FBXO34: variants seen among roughly 807,000 people sequenced by gnomAD.
The protein encoded by FBXO34 is F-box protein 34.
A neutral mutation model predicts 24.5 loss-of-function variants in FBXO34; 12 were observed. The observed-to-expected ratio is 0.49, with a 90% confidence interval of 0.31 to 0.79. The LOEUF (loss-of-function observed/expected upper bound fraction) is 0.79, where lower values mean the gene tolerates loss of function less well. Among genes scored for constraint, FBXO34 ranks in the 30% least tolerant of loss-of-function variants. The pLI, the probability that FBXO34 is intolerant of heterozygous loss-of-function variation, is 0.04. For missense variants in FBXO34, 823 were observed against 857.7 expected, an observed-to-expected ratio of 0.96 and a Z score of 0.51; for synonymous variants, 320 against 311.9, an observed-to-expected ratio of 1.03 and a Z score of -0.27.
the FBXO34 span, among the ~76,000 whole-genome samples, chr14:55,389,589 G>A: frequency 6.6e-6 from 1 of 152,208 alleles, no homozygotes; most frequent in South Asian, 2.1e-4. Flanking sequence ...GTCTGATGGT[G>A]ACTCATTCTA....
At chr14:55,430,486 A>T in the FBXO34 span, among the ~76,000 whole-genome samples, 1 of 150,740 alleles carries the variant, frequency 6.6e-6, no homozygotes, top group Non-Finnish European at 1.5e-5. Flanking sequence ...AGCTCACTGC[A>T]GCCTTGAACT....
At chr14:55,405,896 G>T in the FBXO34 span, among the ~76,000 whole-genome samples, 2 of 151,920 alleles carry the variant, frequency 1.3e-5, no homozygotes, top group East Asian at 1.9e-4. Flanking sequence ...TGGCGGGGGG[G>T]GCAGGGGAAG....
At chr14:55,387,851 T>G in the FBXO34 span, among the ~76,000 whole-genome samples, 3 of 152,166 alleles carry the variant, frequency 2.0e-5, no homozygotes, top group African/African-American at 7.2e-5. Flanking sequence ...GTATTTTTAG[T>G]AGAGATGGAG....
chr14:55,411,558 G>A, the FBXO34 span: 17 of 1,552,912 alleles, frequency 1.1e-5, no homozygotes, highest in Admixed American at 1.9e-5. Context: ...CTGGCTGGAG[G>A]ACACACAGCA....
At chr14:55,316,273 T>G (rs1168001147) in intron 1 of FBXO34, among the ~76,000 whole-genome samples, 1 of 152,144 alleles carries the variant, frequency 6.6e-6, no homozygotes, top group Non-Finnish European at 1.5e-5. Context: ...GTAGAGTCCC[T>G]TGTTCAGCAT....
the FBXO34 span, among the ~76,000 whole-genome samples, chr14:55,389,913 T>C: frequency 6.6e-6 from 1 of 152,026 alleles, no homozygotes; most frequent in East Asian, 1.9e-4. Context: ...AGTGTACAAA[T>C]ATGATGTAAG....
chr14:55,328,769 A>G (rs114597614), intron 1 of FBXO34, among the ~76,000 whole-genome samples: 154 of 152,248 alleles, frequency 1.0e-3, no homozygotes, highest in African/African-American at 3.6e-3. Flanking sequence ...TTCATTCCTA[A>G]ACTGTTTGAG....
intron 1 of FBXO34, among the ~76,000 whole-genome samples, chr14:55,343,616 G>C (rs760283900): frequency 6.6e-6 from 1 of 152,108 alleles, no homozygotes; most frequent in Non-Finnish European, 1.5e-5. Flanking sequence ...TTTGGAATTA[G>C]CATTCCTGTG....
chr14:55,432,543 A>C, the FBXO34 span, among the ~76,000 whole-genome samples: 1 of 152,140 alleles, frequency 6.6e-6, no homozygotes, highest in Non-Finnish European at 1.5e-5. Context: ...CAAAAGATAA[A>C]TCTCTCCATA....
chr14:55,334,484 G>A (rs1883706516), intron 1 of FBXO34, among the ~76,000 whole-genome samples: 2 of 149,522 alleles, frequency 1.3e-5, no homozygotes, highest in African/African-American at 4.9e-5. Flanking sequence ...GCACAGTTCT[G>A]GGAATTCAAC....
chr14:55,299,166 GA>G, intron 1 of FBXO34: 1 of 1,065,426 alleles, frequency 9.4e-7, no homozygotes, highest in Non-Finnish European at 1.5e-6. Context: ...CAGTGGCCCC[GA>G]AACAGTCCCT....
chr14:55,332,435 T>C (rs1883627879), intron 1 of FBXO34, among the ~76,000 whole-genome samples: 1 of 152,206 alleles, frequency 6.6e-6, no homozygotes, highest in South Asian at 2.1e-4. Flanking sequence ...GGTCTGGAGC[T>C]ATCACCTCTT....
the FBXO34 span, among the ~76,000 whole-genome samples, chr14:55,386,928 ATCT>A: frequency 3.5e-4 from 54 of 152,234 alleles, 1 homozygote; most frequent in South Asian, 0.01. Context: ...TTCCAGGAAA[ATCT>A]TCTCCAGTTT....
Position 55,351,977 on chromosome 14 carries a change from G to A in FBXO34, c.1587G>A (p.Glu529=), listed in dbSNP as rs1391491708. The A allele has an allele frequency of 6.2e-7, 1 of 1,614,032 alleles. No homozygotes were observed. Among genetic ancestry groups the A allele is most frequent in the African/African-American group, 1.3e-5 (1 of 74,902 alleles). ...SASEEKSGSA[E]PFVLPASSVE... ...CTGAGGAAAAAAGTGGGTCTGCTGA[G>A]CCATTTGTACTGCCAGCCTCTTCTG... Residue 529 remains glutamate (E), a synonymous_variant, in exon 2 of 2, where the codon GAG becomes GAA. Transcript: ENST00000313833.
At chr14:55,380,875 A>ATATATATATATATAT in the FBXO34 span, among the ~76,000 whole-genome samples, 81 of 112,702 alleles carry the variant, frequency 7.2e-4, no homozygotes, top group African/African-American at 2.8e-3. Flanking sequence ...ATATATATAT[A>ATATATATATATATAT]TTTTTTTTTT....
chr14:55,398,542 ATT>A, the FBXO34 span, among the ~76,000 whole-genome samples: 1 of 152,164 alleles, frequency 6.6e-6, no homozygotes, highest in Non-Finnish European at 1.5e-5. Context: ...TTAGAAGCAT[ATT>A]GTTTAATTTT....
At chr14:55,434,929 T>C in the FBXO34 span, among the ~76,000 whole-genome samples, 1 of 152,230 alleles carries the variant, frequency 6.6e-6, no homozygotes. Context: ...TACTCATCTT[T>C]GTACTCCTAA....
At chr14:55,306,649 A>G (rs1250754683) in intron 1 of FBXO34, among the ~76,000 whole-genome samples, 1 of 152,208 alleles carries the variant, frequency 6.6e-6, no homozygotes, top group Admixed American at 6.5e-5. Flanking sequence ...CCTGGCCAAC[A>G]TGGCGAAACC....
intron 1 of FBXO34, among the ~76,000 whole-genome samples, chr14:55,317,027 A>T (rs1594747538): frequency 6.6e-6 from 1 of 152,108 alleles, no homozygotes; most frequent in East Asian, 1.9e-4. Flanking sequence ...GCAAATTTAG[A>T]CTGGGGAATT....
Sources: allele counts gnomAD v4.1 joint callset (sites outside exome capture counted in the v4.1 genomes callset), GRCh38; gene constraint gnomAD v4.1.1; transcripts MANE v1.5; gene names NCBI Gene and HGNC (gene_info 2026-07-23, HGNC 2026-07-21).